Variants in NFIX observed in about 807,000 individuals in gnomAD.
The protein encoded by NFIX is nuclear factor I X.
NFIX carries 2 observed loss-of-function variants against 53.3 expected under a neutral mutation model. That is an observed-to-expected ratio of 0.04 (90% CI 0.02 to 0.12). The LOEUF (loss-of-function observed/expected upper bound fraction) is 0.12. Among genes scored for constraint, NFIX ranks in the 10% least tolerant of loss-of-function variants. The pLI is 1.00. For missense variants in NFIX, 310 were observed against 674.5 expected, an observed-to-expected ratio of 0.46 and a Z score of 5.99; for synonymous variants, 244 against 289.0, an observed-to-expected ratio of 0.84 and a Z score of 1.58.
At chr19:13,035,094 C>T (rs2014090063) in intron 2 of NFIX, among the ~76,000 whole-genome samples, 1 of 152,186 alleles carries the variant, frequency 6.6e-6, no homozygotes, top group African/African-American at 2.4e-5. Flanking sequence ...TCCCTGGGAA[C>T]AGAATCATGC....
intron 1 of NFIX, among the ~76,000 whole-genome samples, chr19:13,007,867 G>A (rs1237009374): frequency 6.6e-6 from 1 of 152,166 alleles, no homozygotes; most frequent in Non-Finnish European, 1.5e-5. Context: ...ACACACTTTC[G>A]GTGGGGGGGT....
chr19:13,072,944 G>A lies in NFIX; in HGVS notation c.560-103G>A. Reference sequence around the variant, plus strand: ...GGGTGAAGGTTTCTGTAGCCAGGGTGGGCCGTCCCTGCTCTTGCACCAGGC... The same window carrying A: ...GGGTGAAGGTTTCTGTAGCCAGGGTAGGCCGTCCCTGCTCTTGCACCAGGC... On this transcript the variant is annotated intron_variant, in intron 2 of 10. Transcript: ENST00000592199. The surrounding 1 kb of genome is among the most constrained non-coding windows in gnomAD (Gnocchi z 4.0). The A allele has an allele frequency of 9.0e-7, 1 of 1,111,536 alleles. No homozygotes were observed. 68.9% of individuals were successfully genotyped at this position (1,111,536 alleles called of 1,614,324 possible). A position where few individuals can be genotyped will look rare whatever the true frequency, so the allele number is the denominator to read the frequency against.
At chr19:13,074,724 C>T (rs1239040601) in intron 5 of NFIX, among the ~76,000 whole-genome samples, 5 of 145,120 alleles carry the variant, frequency 3.4e-5, no homozygotes, top group South Asian at 2.2e-4. Context: ...TTTTTTAAAA[C>T]GGGTGTTTAT....
intron 1 of NFIX, among the ~76,000 whole-genome samples, chr19:13,020,510 C>T (rs1209931735): frequency 6.6e-6 from 1 of 152,220 alleles, no homozygotes; most frequent in African/African-American, 2.4e-5. Context: ...TGGGAGCCAG[C>T]AGCCCATAGA....
chr19:13,082,437 A>C, intron 8 of NFIX: 1 of 152,508 alleles, frequency 6.6e-6, no homozygotes, highest in East Asian at 1.9e-4. Context: ...GACCATCCCT[A>C]GTGAGGAGCA....
At position 13,090,230 on chromosome 19, in the gene NFIX, C is replaced by T. The variant is rs1599880560; in HGVS notation, c.1403-69C>T. On this transcript the variant is annotated intron_variant, in intron 9 of 10. Transcript: ENST00000592199. The surrounding 1 kb of genome is among the most constrained non-coding windows in gnomAD (Gnocchi z 6.6). Reference sequence around the variant, plus strand: ...CAGTCTCTCCCTCTCTCAGCAGCCCCGAGGGGCAGTGCCCAGGTGGGCCCC... The same window carrying T: ...CAGTCTCTCCCTCTCTCAGCAGCCCTGAGGGGCAGTGCCCAGGTGGGCCCC... The T allele has an allele frequency of 1.1e-5, 16 of 1,447,090 alleles. No homozygotes were observed. The highest frequency in any genetic ancestry group is 9.1e-5 in the East Asian group (4 of 44,056). The allele number at this position is 1,447,090 out of a possible 1,614,324, so 89.6% of individuals were successfully genotyped here.
chr19:13,042,167 A>C (rs2014678287), intron 2 of NFIX, among the ~76,000 whole-genome samples: 1 of 151,618 alleles, frequency 6.6e-6, no homozygotes, highest in African/African-American at 2.4e-5. Context: ...TGGCCTCCCA[A>C]AGTGCTGGGA....
chr19:13,003,577 C>G (rs2011843273), intron 1 of NFIX, among the ~76,000 whole-genome samples: 1 of 152,166 alleles, frequency 6.6e-6, no homozygotes, highest in South Asian at 2.1e-4. Context: ...ACAAAACACC[C>G]CACACACTCC....
chr19:13,075,143 CCTGACATTTTTGTCCCT>C (rs1157553245), intron 5 of NFIX, among the ~76,000 whole-genome samples: 23 of 150,470 alleles, frequency 1.5e-4, no homozygotes, highest in Middle Eastern at 3.4e-3. Flanking sequence ...TTTTTGTCCC[CCTGACATTTTTGTCCCT>C]CTGACATTTT....
At position 13,095,458 on chromosome 19, in the gene NFIX, C is replaced by T. The variant is rs1220658829; in HGVS notation, c.*809C>T. On this transcript the variant is annotated 3_prime_UTR_variant, in exon 11 of 11. Transcript: ENST00000592199. ...TCGGAATGCTCTCGACGGCCTCGTC[C>T]CAGCCTGGGACAGGCCCCCTTTCCC... 2 of 152,326 alleles carry T rather than the reference C, an allele frequency of 1.3e-5. No homozygotes were observed. The highest frequency in any genetic ancestry group is 6.5e-5 in the Admixed American group (1 of 15,292). The allele number at this position is 152,326 out of a possible 1,614,324, so 9.4% of individuals were successfully genotyped here.
rs1350863985 is a variant in NFIX at position 13,009,900 on chromosome 19, T to A, written c.27+14036T>A. ...TTTGGTGGTAGAACGGGGCCGGGGG[T>A]CTTCAAAGGCAGAGAAGTCTCAGGA... On this transcript the variant is annotated intron_variant, in intron 1 of 10. Coordinates refer to ENST00000592199, the MANE Select transcript of NFIX (RefSeq NM_001365902.3). The surrounding 1 kb of genome is among the most constrained non-coding windows in gnomAD (Gnocchi z 4.7). Among the ~76,000 whole-genome samples the A allele has an allele frequency of 6.6e-6, 1 of 151,184 alleles. No individual in the cohort carries two copies. Among genetic ancestry groups the A allele is most frequent in the East Asian group, 1.9e-4 (1 of 5,134 alleles).
At chr19:13,063,652 C>T in intron 2 of NFIX, among the ~76,000 whole-genome samples, 1 of 152,178 alleles carries the variant, frequency 6.6e-6, no homozygotes, top group East Asian at 1.9e-4. Flanking sequence ...TCCTCTCTCT[C>T]CCTTTCTCTC....
At chr19:13,050,433 G>A (rs149946002) in intron 2 of NFIX, among the ~76,000 whole-genome samples, 153 of 152,350 alleles carry the variant, frequency 1.0e-3, no homozygotes, top group Non-Finnish European at 2.0e-3. Flanking sequence ...TCCCTCTGAG[G>A]GGGCCTCCAT....
At position 13,084,867 on chromosome 19, in the gene NFIX, C is replaced by T. The variant is rs1427941057; in HGVS notation, c.1254+3012C>T. Among the ~76,000 whole-genome samples, 12 of 152,004 alleles carry T rather than the reference C, an allele frequency of 7.9e-5. No individual in the cohort carries two copies. The East Asian group carries it at 1.2e-3, about 15-fold the overall frequency. On this transcript the variant is annotated intron_variant, in intron 8 of 10. Transcript: ENST00000592199. ...GGCGGATCATCTGAGGTTGGGAGTT[C>T]GAGACCAGCCTGACCAACATGGAGA...
intron 2 of NFIX, among the ~76,000 whole-genome samples, chr19:13,055,600 C>T (rs2015620131): frequency 6.6e-6 from 1 of 152,248 alleles, no homozygotes; most frequent in Admixed American, 6.5e-5. Flanking sequence ...CCAAGACCAC[C>T]CTCCACTTGG....
At position 13,006,672 on chromosome 19, in the gene NFIX, G is replaced by A. The variant is rs988328830; in HGVS notation, c.27+10808G>A. Among the ~76,000 whole-genome samples, 1 of 152,180 alleles carries A rather than the reference G, an allele frequency of 6.6e-6. No homozygotes were observed. The highest frequency in any genetic ancestry group is 2.4e-5 in the African/African-American group (1 of 41,440). On this transcript the variant is annotated intron_variant, in intron 1 of 10. Coordinates refer to ENST00000592199, the MANE Select transcript of NFIX (RefSeq NM_001365902.3). The surrounding 1 kb of genome is among the most constrained non-coding windows in gnomAD (Gnocchi z 5.6). The stretch of plus-strand genomic sequence containing the variant: ...GTACCAGGCTGCGCCATCTTTGCAG[G>A]GTCTTGGGGATCTGCCCACAGCTTG...
intron 2 of NFIX, among the ~76,000 whole-genome samples, chr19:13,031,587 C>T (rs1446422779): frequency 6.6e-6 from 1 of 152,190 alleles, no homozygotes; most frequent in African/African-American, 2.4e-5. Flanking sequence ...ATAAGAGAAT[C>T]TTGCGTGTAC....
chr19:13,073,545 A>C lies in NFIX; in HGVS notation c.697+49A>C, dbSNP rs181333310. On this transcript the variant is annotated intron_variant, in intron 4 of 10. Coordinates refer to ENST00000592199, the MANE Select transcript of NFIX (RefSeq NM_001365902.3). The surrounding 1 kb of genome is among the most constrained non-coding windows in gnomAD (Gnocchi z 4.5). The stretch of plus-strand genomic sequence containing the variant: ...CCAGGGATGGGGATTGAAAGTGAGG[A>C]GGTGGGACCTCATGGGATGTCCTCC... 1.4e-4 allele frequency: 216 copies of C among 1,530,150 alleles called. No individual in the cohort carries two copies. In the African/African-American group the frequency reaches 2.5e-3, roughly 18 times the overall value. The allele number at this position is 1,530,150 out of a possible 1,614,324, so 94.8% of individuals were successfully genotyped here. A position where few individuals can be genotyped will look rare whatever the true frequency, so the allele number is the denominator to read the frequency against.
At chr19:13,000,657 G>A (rs10414963) in intron 1 of NFIX, among the ~76,000 whole-genome samples, 1,987 of 152,208 alleles carry the variant, frequency 0.013, 47 homozygotes, top group African/African-American at 0.046. Context: ...ATGTGTGCAC[G>A]CATTCATCCA....
Sources: allele counts gnomAD v4.1 joint callset (sites outside exome capture counted in the v4.1 genomes callset), GRCh38; gene constraint gnomAD v4.1.1; non-coding constraint Gnocchi (gnomAD v3.1); transcripts MANE v1.5; gene names NCBI Gene and HGNC (gene_info 2026-07-23, HGNC 2026-07-21).